Variants in LAMA2 observed in about 807,000 individuals in gnomAD.
The protein encoded by LAMA2 is laminin subunit alpha 2, also known as laminin subunit alpha-2.
A neutral mutation model predicts 364.8 loss-of-function variants in LAMA2; 269 were observed. The observed-to-expected ratio is 0.74, with a 90% confidence interval of 0.67 to 0.82. The LOEUF (loss-of-function observed/expected upper bound fraction) is 0.82. Among genes scored for constraint, LAMA2 ranks in the 40% least tolerant of loss-of-function variants. LAMA2 has a pLI of 0.00. For synonymous variants in LAMA2, 1,379 were observed against 1,370.6 expected, an observed-to-expected ratio of 1.01 and a Z score of -0.14; for missense variants, 3,807 against 3,873.2, an observed-to-expected ratio of 0.98 and a Z score of 0.45.
Position 129,280,040 on chromosome 6 carries a change from TC to T in LAMA2, c.2451-19del, listed in dbSNP as rs2114390667. 6.4e-7 allele frequency: 1 copy of T among 1,557,176 alleles called. No individual in the cohort carries two copies. The highest frequency in any genetic ancestry group is 8.9e-7 in the Non-Finnish European group (1 of 1,128,410). ...ATGTCCTTCTTCCTTGTCCCTGTTT[TC>T]CGCAACAACATCAACATAGCTTTAG... On this transcript the variant is annotated intron_variant, in intron 17 of 64. Coordinates refer to ENST00000421865, the MANE Select transcript of LAMA2 (RefSeq NM_000426.4).
chr6:129,223,097 T>A (rs1354321212), intron 12 of LAMA2, among the ~76,000 whole-genome samples: 2 of 152,234 alleles, frequency 1.3e-5, no homozygotes, highest in Non-Finnish European at 2.9e-5. Flanking sequence ...TGGCCAGTGA[T>A]GATGAGCATT....
intron 58 of LAMA2, 116 bp from the exon 59 acceptor site, chr6:129,502,543 T>C: frequency 2.7e-6 from 2 of 735,926 alleles, no homozygotes; most frequent in South Asian, 3.0e-5. Context: ...AGATGAATAA[T>C]GTAGTTTTTA....
intron 9 of LAMA2, among the ~76,000 whole-genome samples, chr6:129,172,893 C>T (rs566249607): frequency 6.6e-6 from 1 of 152,234 alleles, no homozygotes; most frequent in Admixed American, 6.5e-5. Context: ...TTTTTAAGCC[C>T]GTCGGAAAAG....
At chr6:128,918,454 A>G (rs964046264) in intron 1 of LAMA2, among the ~76,000 whole-genome samples, 1 of 152,186 alleles carries the variant, frequency 6.6e-6, no homozygotes, top group African/African-American at 2.4e-5. Context: ...GAATTAATAT[A>G]AAGAAATAAA....
At chr6:129,421,401 C>A (rs919777801) in intron 40 of LAMA2, among the ~76,000 whole-genome samples, 7 of 150,366 alleles carry the variant, frequency 4.7e-5, no homozygotes, top group African/African-American at 9.8e-5. Context: ...AAAAAAAAAA[C>A]CTCTAAAAAG....
intron 1 of LAMA2, among the ~76,000 whole-genome samples, chr6:129,017,537 T>C (rs1785155135): frequency 6.6e-6 from 1 of 151,922 alleles, no homozygotes; most frequent in Non-Finnish European, 1.5e-5. Context: ...TAGCAAAGTT[T>C]TATTGATCTT....
chr6:129,226,717 GCTTCCCTTT>G (rs1784310967), intron 12 of LAMA2, among the ~76,000 whole-genome samples: 1 of 152,074 alleles, frequency 6.6e-6, no homozygotes, highest in Non-Finnish European at 1.5e-5. Flanking sequence ...AGTCTGATGG[GCTTCCCTTT>G]GAGGGTAACC....
chr6:129,026,300 G>T (rs552507571), intron 1 of LAMA2, among the ~76,000 whole-genome samples: 19 of 152,028 alleles, frequency 1.2e-4, no homozygotes, highest in Non-Finnish European at 2.4e-4. Context: ...GTAGAATATT[G>T]ATTTCTGTAT....
chr6:129,236,002 A>G (rs1784958494), intron 12 of LAMA2, among the ~76,000 whole-genome samples: 1 of 152,198 alleles, frequency 6.6e-6, no homozygotes, highest in South Asian at 2.1e-4. Context: ...AAATTTCCCT[A>G]TTAAGCAAGA....
intron 12 of LAMA2, among the ~76,000 whole-genome samples, chr6:129,229,517 A>G (rs764426513): frequency 2.0e-5 from 3 of 152,178 alleles, no homozygotes; most frequent in Non-Finnish European, 2.9e-5. Flanking sequence ...TTGCAATGCA[A>G]TGAGAAACAC....
At chr6:129,026,759 A>T (rs1422349677) in intron 1 of LAMA2, among the ~76,000 whole-genome samples, 1 of 152,182 alleles carries the variant, frequency 6.6e-6, no homozygotes, top group Non-Finnish European at 1.5e-5. Context: ...TTCGTGGAAG[A>T]CAGGGCAAAT....
chr6:129,059,031 G>T (rs1788693147), intron 2 of LAMA2, among the ~76,000 whole-genome samples: 1 of 152,212 alleles, frequency 6.6e-6, no homozygotes, highest in Non-Finnish European at 1.5e-5. Context: ...ACAGACTTCA[G>T]TCTCTCTTCA....
chr6:128,906,752 G>T (rs571294621), intron 1 of LAMA2, among the ~76,000 whole-genome samples: 12 of 151,162 alleles, frequency 7.9e-5, no homozygotes, highest in South Asian at 2.1e-4. Context: ...TTTCTTCTAG[G>T]GTTTTTATGG....
At chr6:129,377,282 T>C (rs1583607423) in intron 34 of LAMA2, among the ~76,000 whole-genome samples, 1 of 152,232 alleles carries the variant, frequency 6.6e-6, no homozygotes, top group East Asian at 1.9e-4. Flanking sequence ...AAACTAGTTT[T>C]TAAACGATTT....
chr6:129,059,658 T>A, intron 2 of LAMA2, 126 bp from the exon 3 acceptor site: 1 of 680,452 alleles, frequency 1.5e-6, no homozygotes, highest in South Asian at 1.6e-5. Context: ...TCCTTCTGTA[T>A]TATTTTAATG....
chr6:128,965,278 A>G (rs1781766623), intron 1 of LAMA2, among the ~76,000 whole-genome samples: 1 of 152,028 alleles, frequency 6.6e-6, no homozygotes, highest in South Asian at 2.1e-4. Context: ...CTCTATTCTG[A>G]GTGAAATATT....
At position 129,462,647 on chromosome 6, in the gene LAMA2, T is replaced by G. The variant is rs114340981; in HGVS notation, c.6993-1643T>G. ...TGTTATTGTTTTGTGAGTTCTCTAA[T>G]TACACACTTGTGTAAGTTTTTAGCA... On this transcript the variant is annotated intron_variant, in intron 49 of 64. Transcript: ENST00000421865. Among the ~76,000 whole-genome samples, 557 of 152,140 alleles carry G rather than the reference T, an allele frequency of 3.7e-3. 5 individuals carry two copies. Among genetic ancestry groups the G allele is most frequent in the African/African-American group, 0.013 (539 of 41,550 alleles).
At chr6:129,307,400 G>C (rs1456515351) in intron 22 of LAMA2, among the ~76,000 whole-genome samples, 1 of 152,164 alleles carries the variant, frequency 6.6e-6, no homozygotes, top group Admixed American at 6.5e-5. Flanking sequence ...CACATCTCTG[G>C]AATTACCTTT....
chr6:129,462,762 GTTTA>G (rs1783323594), intron 49 of LAMA2, among the ~76,000 whole-genome samples: 1 of 151,482 alleles, frequency 6.6e-6, no homozygotes, highest in Non-Finnish European at 1.5e-5. Flanking sequence ...TTGTTTGTTT[GTTTA>G]TTTGTTGCTT....
Sources: gnomAD v4.1 joint callset for allele counts (sites outside exome capture counted in the v4.1 genomes callset) on GRCh38, gnomAD v4.1.1 for gene constraint, MANE v1.5 for transcripts, NCBI Gene and HGNC (gene_info 2026-07-23, HGNC 2026-07-21) for gene names.